The following RXFP2 variants were observed in gnomAD, a reference collection of about 807,000 sequenced individuals.
RXFP2 encodes relaxin receptor 2.
In RXFP2, 68 loss-of-function variants were observed where a neutral mutation model predicts 88.6. The ratio of observed to expected loss-of-function variants is 0.77; its 90% CI spans 0.63 to 0.94. The LOEUF is 0.94. RXFP2 is among the 40% of genes least tolerant of loss of function. RXFP2 has a pLI of 0.00. For synonymous variants in RXFP2, 329 were observed against 306.8 expected (o/e 1.07, Z -0.76); for missense variants, 791 against 893.9 (o/e 0.88, Z 1.47).
intron 5 of RXFP2, 129 bp downstream of exon 5, chr13:31,766,156 A>AT: frequency 1.6e-6 from 1 of 628,326 alleles, no homozygotes; most frequent in Non-Finnish European, 2.9e-6. Context: ...TGTAATTAAG[A>AT]TTAGAAAATA....
At chr13:31,739,757 A>G (rs1766580710) in intron 1 of RXFP2, 51 bp downstream of exon 1, 1 of 1,143,708 alleles carries the variant, frequency 8.7e-7, no homozygotes, top group Admixed American at 1.7e-5. Context: ...CAAAAAATAC[A>G]TTTCTATGTA....
At chr13:31,755,113 T>C (rs2138398041) in intron 1 of RXFP2, among the ~76,000 whole-genome samples, 1 of 152,232 alleles carries the variant, frequency 6.6e-6, no homozygotes, top group East Asian at 1.9e-4. Context: ...GAAACTAAGA[T>C]TTAAAGAGGT....
chr13:31,760,493 A>G (rs2138409189), intron 2 of RXFP2, among the ~76,000 whole-genome samples: 1 of 152,328 alleles, frequency 6.6e-6, no homozygotes, highest in East Asian at 1.9e-4. Context: ...GTACTCAGTC[A>G]GTGCTCAGTT....
chr13:31,771,460 C>T (rs1034950298), intron 5 of RXFP2, among the ~76,000 whole-genome samples: 1 of 152,146 alleles, frequency 6.6e-6, no homozygotes, highest in African/African-American at 2.4e-5. Context: ...AAATGTAATG[C>T]ACTTGAATCA....
intron 17 of RXFP2, among the ~76,000 whole-genome samples, chr13:31,801,465 C>T (rs1018316601): frequency 6.6e-6 from 1 of 151,924 alleles, no homozygotes; most frequent in Non-Finnish European, 1.5e-5. Flanking sequence ...CAGGATCAGG[C>T]CACGTGTAAA....
chr13:31,765,292 C>A, intron 4 of RXFP2, 150 bp downstream of exon 4: 1 of 635,846 alleles, frequency 1.6e-6, no homozygotes. Context: ...GCTTCCTATT[C>A]AGGGGGAAAA....
intron 14 of RXFP2, 63 bp downstream of exon 14, chr13:31,789,256 A>G: frequency 9.7e-7 from 1 of 1,029,370 alleles, no homozygotes; most frequent in Admixed American, 1.7e-5. Flanking sequence ...TCTCCTGTAA[A>G]CTGTCTAATG....
intron 1 of RXFP2, among the ~76,000 whole-genome samples, chr13:31,744,590 G>A (rs545041255): frequency 6.6e-6 from 1 of 152,178 alleles, no homozygotes; most frequent in South Asian, 2.1e-4. Flanking sequence ...GTGGCATAAT[G>A]GCTATTTTAT....
rs138109785 is a variant in RXFP2 at position 31,743,922 on chromosome 13, A to G, written c.94+4216A>G. On this transcript the variant is annotated intron_variant, in intron 1 of 17. Transcript: ENST00000298386. The stretch of plus-strand genomic sequence containing the variant: ...CACACCTGCTCCATCCTGATTGGTC[A>G]CATCTGGCTTTTCATTTCCACCTTG... Among the ~76,000 whole-genome samples the G allele has an allele frequency of 1.8e-4, 27 of 152,070 alleles. No homozygotes were observed. The East Asian group carries it at 3.9e-3, about 22-fold the overall frequency.
At chr13:31,743,171 A>G (rs1025089498) in intron 1 of RXFP2, among the ~76,000 whole-genome samples, 2 of 152,220 alleles carry the variant, frequency 1.3e-5, no homozygotes, top group Admixed American at 6.5e-5. Flanking sequence ...GTGTTTTAAG[A>G]TGTAAAAAGA....
intron 1 of RXFP2, among the ~76,000 whole-genome samples, chr13:31,747,079 A>C (rs1871457913): frequency 6.6e-6 from 1 of 152,162 alleles, no homozygotes; most frequent in South Asian, 2.1e-4. Flanking sequence ...GTAATAACTA[A>C]AGTTAAAATT....
intron 1 of RXFP2, among the ~76,000 whole-genome samples, chr13:31,744,209 C>A (rs866134221): frequency 1.3e-5 from 2 of 152,186 alleles, no homozygotes; most frequent in East Asian, 3.9e-4. Context: ...CTGGTGTGCT[C>A]TCTTTTTCTA....
chr13:31,745,366 A>T (rs960712), intron 1 of RXFP2, among the ~76,000 whole-genome samples: 36,921 of 151,962 alleles, frequency 0.24, 4,834 homozygotes, highest in South Asian at 0.4. Context: ...CTGTGGGTGA[A>T]CCAGTTCCAA....
chr13:31,743,824 T>C (rs1871304662), intron 1 of RXFP2, among the ~76,000 whole-genome samples: 1 of 152,006 alleles, frequency 6.6e-6, no homozygotes, highest in African/African-American at 2.4e-5. Flanking sequence ...GCTCTTCAGC[T>C]CTCTTGCTCT....
intron 2 of RXFP2, among the ~76,000 whole-genome samples, chr13:31,761,373 C>A (rs1872293729): frequency 6.6e-6 from 1 of 152,104 alleles, no homozygotes; most frequent in South Asian, 2.1e-4. Context: ...ATGCACGTGA[C>A]AAAAACAAAA....
At chr13:31,786,721 A>T (rs1215422813) in intron 13 of RXFP2, 84 bp downstream of exon 13, 6 of 834,208 alleles carry the variant, frequency 7.2e-6, no homozygotes, top group African/African-American at 3.4e-5. Context: ...GGTATTTTGC[A>T]CACAGGAGCA....
At position 31,787,629 on chromosome 13, in the gene RXFP2, T is replaced by TTTTC. The variant is rs556368750; in HGVS notation, c.1073+1016_1073+1019dup. On this transcript the variant is annotated intron_variant, in intron 13 of 17. Transcript: ENST00000298386. ...CATTTCTACTTTTTTTCTTTAGTGT[T>TTTTC]TTTCTTTCTTTCTTTCTTTCTTTCT... Among the ~76,000 whole-genome samples the TTTTC allele has an allele frequency of 8.6e-3, 1,302 of 151,794 alleles. 14 individuals carry two copies. The highest frequency in any genetic ancestry group is 0.026 in the African/African-American group (1,060 of 41,438).
chr13:31,759,402 A>AAAGAAAGAAAGAAAGAAAG (rs1872164189), intron 2 of RXFP2, among the ~76,000 whole-genome samples: 3 of 148,860 alleles, frequency 2.0e-5, no homozygotes, highest in South Asian at 2.2e-4. Context: ...AGAAAGAAAG[A>AAAGAAAGAAAGAAAGAAAG]AAGAAAGAAA....
chr13:31,772,676 A>T (rs1199207157), intron 5 of RXFP2, among the ~76,000 whole-genome samples: 1 of 152,208 alleles, frequency 6.6e-6, no homozygotes, highest in Non-Finnish European at 1.5e-5. Context: ...GAGGGACTAC[A>T]GTTCTCTATG....
Sources: allele counts gnomAD v4.1 joint callset (sites outside exome capture counted in the v4.1 genomes callset), GRCh38; gene constraint gnomAD v4.1.1; transcripts MANE v1.5; gene names NCBI Gene and HGNC (gene_info 2026-07-23, HGNC 2026-07-21).